NPAS2: variants seen among roughly 807,000 people sequenced by gnomAD.
NPAS2 encodes neuronal PAS domain protein 2, also known as neuronal PAS domain-containing protein 2.
NPAS2 carries 23 observed loss-of-function variants against 107.5 expected under a neutral mutation model. That is an observed-to-expected ratio of 0.21 (90% confidence interval 0.15 to 0.30). The LOEUF is 0.30. Ranked by LOEUF, NPAS2 falls within the 10% of genes least tolerant of loss-of-function variation. NPAS2 has a pLI of 1.00. For synonymous variants in NPAS2, 403 were observed against 417.5 expected, an observed-to-expected ratio of 0.97 and a Z score of 0.42; for missense variants, 756 against 1,043.3, an observed-to-expected ratio of 0.72 and a Z score of 3.79.
chr2:100,836,555 T>A (rs1677078250), intron 1 of NPAS2, among the ~76,000 whole-genome samples: 1 of 152,186 alleles, frequency 6.6e-6, no homozygotes, highest in Non-Finnish European at 1.5e-5. Flanking sequence ...TGGGATGACC[T>A]GTGGTAGGAC....
intron 2 of NPAS2, among the ~76,000 whole-genome samples, chr2:100,919,698 C>T (rs998744412): frequency 6.6e-6 from 1 of 152,204 alleles, no homozygotes; most frequent in African/African-American, 2.4e-5. Context: ...TCGGTCTCCC[C>T]GTGCCTCCCC....
At chr2:100,864,577 A>G (rs953977124) in intron 1 of NPAS2, among the ~76,000 whole-genome samples, 3 of 152,224 alleles carry the variant, frequency 2.0e-5, no homozygotes, top group African/African-American at 7.2e-5. Context: ...GGAACATGGC[A>G]TTGAAAAATG....
In NPAS2 at chr2:100,932,906, C is replaced by G. The variant is rs1228384669; in HGVS notation, c.182-4C>G. 2.5e-6 allele frequency: 4 copies of G among 1,610,232 alleles called. No homozygotes were observed. In the East Asian group the frequency reaches 8.9e-5, roughly 36 times the overall value. ...ATAAAGGCTTATTTGTGTCTCTTTTCTAGAAGTCTCAGCGCAAACGGAAAT... is the reference window on the plus strand; with the variant it reads ...ATAAAGGCTTATTTGTGTCTCTTTTGTAGAAGTCTCAGCGCAAACGGAAAT... On this transcript the variant is annotated splice_polypyrimidine_tract_variant and splice_region_variant and intron_variant, in intron 3 of 20. Transcript: ENST00000335681.
chr2:100,882,491 A>G (rs1224750116), intron 1 of NPAS2, among the ~76,000 whole-genome samples: 1 of 152,206 alleles, frequency 6.6e-6, no homozygotes, highest in Non-Finnish European at 1.5e-5. Flanking sequence ...GCATGCCTGT[A>G]GTCCCAGCTA....
At chr2:100,867,899 T>TC (rs2104558352) in intron 1 of NPAS2, among the ~76,000 whole-genome samples, 2 of 152,248 alleles carry the variant, frequency 1.3e-5, no homozygotes, top group South Asian at 4.1e-4. Context: ...CCCATTTTTT[T>TC]CTGCCTTTTT....
At chr2:100,840,454 C>G (rs1348870485) in intron 1 of NPAS2, among the ~76,000 whole-genome samples, 5 of 152,092 alleles carry the variant, frequency 3.3e-5, no homozygotes, top group African/African-American at 4.8e-5. Context: ...AATGGAGACC[C>G]ATCTTTTAAA....
At chr2:100,870,141 C>T (rs1004734583) in intron 1 of NPAS2, among the ~76,000 whole-genome samples, 4 of 152,034 alleles carry the variant, frequency 2.6e-5, no homozygotes, top group South Asian at 2.1e-4. Context: ...CCTGGTGATC[C>T]GCCCGCCTTG....
At chr2:100,974,294 G>A (rs1676810206) in intron 12 of NPAS2, among the ~76,000 whole-genome samples, 1 of 152,186 alleles carries the variant, frequency 6.6e-6, no homozygotes, top group Admixed American at 6.5e-5. Flanking sequence ...AGGAGCGAGA[G>A]GTCGAAAGAC....
intron 1 of NPAS2, chr2:100,878,716 A>G: frequency 4.2e-6 from 2 of 475,906 alleles, no homozygotes; most frequent in Non-Finnish European, 5.5e-6. Flanking sequence ...ACCCAACTAT[A>G]AGGGAGAGAT....
chr2:100,885,823 T>C (rs1292795946), intron 1 of NPAS2, among the ~76,000 whole-genome samples: 3 of 152,130 alleles, frequency 2.0e-5, no homozygotes, highest in Admixed American at 1.3e-4. Flanking sequence ...TACAGGCACC[T>C]GGCTAATTTT....
chr2:100,929,609 G>A (rs1031066194), intron 3 of NPAS2, among the ~76,000 whole-genome samples: 2 of 152,224 alleles, frequency 1.3e-5, no homozygotes, highest in Non-Finnish European at 2.9e-5. Flanking sequence ...AGTTTTGCAA[G>A]CCAGTTGACA....
Position 100,995,628 on chromosome 2 carries a change from T to A in NPAS2, c.*46T>A, listed in dbSNP as rs1296685898. The A allele has an allele frequency of 6.3e-7, 1 of 1,577,670 alleles. No individual in the cohort carries two copies. Among genetic ancestry groups the A allele is most frequent in the Non-Finnish European group, 8.6e-7 (1 of 1,161,788 alleles). On this transcript the variant is annotated 3_prime_UTR_variant, in exon 21 of 21. Coordinates refer to ENST00000335681, the MANE Select transcript of NPAS2 (RefSeq NM_002518.4). ...GACACAATCAGCTTTAACCAATGGA[T>A]GAGGGGGGTGGCCACAGGAGATGGG...
At chr2:100,960,740 C>A (rs1675869259) in intron 7 of NPAS2, among the ~76,000 whole-genome samples, 1 of 152,088 alleles carries the variant, frequency 6.6e-6, no homozygotes, top group South Asian at 2.1e-4. Context: ...AGAGGGGAAG[C>A]CACCTTGGGG....
intron 20 of NPAS2, 22 bp downstream of exon 20, chr2:100,993,549 G>T (rs775309347): frequency 1.5e-5 from 22 of 1,499,482 alleles, no homozygotes; most frequent in Admixed American, 2.3e-5. Flanking sequence ...GGCCCAGGGG[G>T]CCCCCGTGCA....
chr2:100,898,038 G>A (rs1681525561), intron 1 of NPAS2, among the ~76,000 whole-genome samples: 1 of 152,118 alleles, frequency 6.6e-6, no homozygotes, highest in South Asian at 2.1e-4. Flanking sequence ...TCCTAAAATT[G>A]ATCCCCAAAT....
intron 15 of NPAS2, among the ~76,000 whole-genome samples, chr2:100,980,070 G>A (rs1677339660): frequency 6.6e-6 from 1 of 152,202 alleles, no homozygotes; most frequent in Admixed American, 6.5e-5. Context: ...GTTCTAAAAT[G>A]TCTTTAAATT....
At chr2:100,892,149 T>C (rs1681111873) in intron 1 of NPAS2, among the ~76,000 whole-genome samples, 1 of 152,204 alleles carries the variant, frequency 6.6e-6, no homozygotes, top group Non-Finnish European at 1.5e-5. Context: ...CCTGAGGTGA[T>C]TGCAACATAA....
rs1377135336 is a variant in NPAS2 at position 100,878,939 on chromosome 2, T to C, written c.-22-25794T>C. Among the ~76,000 whole-genome samples, 3 of 151,988 alleles carry C rather than the reference T, an allele frequency of 2.0e-5. No individual in the cohort carries two copies. In the South Asian group the frequency reaches 6.2e-4, roughly 32 times the overall value. The stretch of plus-strand genomic sequence containing the variant: ...TTCAAGACCAGCCTCGCCAACATGG[T>C]GAAACCCCCATCTCTACTAAAAATA... On this transcript the variant is annotated intron_variant, in intron 1 of 20. Coordinates refer to ENST00000335681, the MANE Select transcript of NPAS2 (RefSeq NM_002518.4).
chr2:100,982,401 T>G lies in NPAS2; in HGVS notation c.1629+24T>G, dbSNP rs748701381. 5 of 1,611,702 alleles carry G rather than the reference T, an allele frequency of 3.1e-6. 1 individual carries two copies. The South Asian group carries it at 4.4e-5, about 14-fold the overall frequency. The stretch of plus-strand genomic sequence containing the variant: ...AGGTGATCCCCTTCCCGGGCTGGCC[T>G]CTGTCCCTGCTGCTGTGTGGGAAGG... On this transcript the variant is annotated intron_variant, in intron 16 of 20. Transcript: ENST00000335681.
Sources: gnomAD v4.1 joint callset for allele counts (sites outside exome capture counted in the v4.1 genomes callset) on GRCh38, gnomAD v4.1.1 for gene constraint, MANE v1.5 for transcripts, NCBI Gene and HGNC (gene_info 2026-07-23, HGNC 2026-07-21) for gene names.